The following QTGAL variants were observed in gnomAD, a reference collection of about 807,000 sequenced individuals.
QTGAL encodes BGnT-like protein 1.
chr17:82,988,242 A>G, the QTGAL span, among the ~76,000 whole-genome samples: 2 of 152,210 alleles, frequency 1.3e-5, no homozygotes, highest in African/African-American at 4.8e-5. Flanking sequence ...ACCTGACAAA[A>G]ACAAGTAATG....
At chr17:83,015,037 G>A in the QTGAL span, among the ~76,000 whole-genome samples, 1 of 150,998 alleles carries the variant, frequency 6.6e-6, no homozygotes, top group Non-Finnish European at 1.5e-5. This position sits in a 1 kb window ranked among gnomAD's most constrained non-coding sequence, Gnocchi z 4.4. Context: ...CACCACTGTT[G>A]AGGGGACCGT....
chr17:82,970,780 T>C, the QTGAL span, among the ~76,000 whole-genome samples: 1 of 152,142 alleles, frequency 6.6e-6, no homozygotes, highest in Non-Finnish European at 1.5e-5. Flanking sequence ...GAAATACACA[T>C]GACATTCTGG....
chr17:83,005,183 G>A, the QTGAL span: 1 of 1,610,140 alleles, frequency 6.2e-7, no homozygotes, highest in Non-Finnish European at 8.5e-7. This position sits in a 1 kb window ranked among gnomAD's most constrained non-coding sequence, Gnocchi z 5.6. Context: ...GAGTTAGGGG[G>A]ATCTCTCCTC....
chr17:82,964,059 C>T, the QTGAL span, among the ~76,000 whole-genome samples: 8 of 148,728 alleles, frequency 5.4e-5, no homozygotes, highest in East Asian at 5.9e-4. Context: ...CCCAGGAGTT[C>T]GAGACCAGCC....
At chr17:82,998,916 A>G in the QTGAL span, among the ~76,000 whole-genome samples, 1 of 152,138 alleles carries the variant, frequency 6.6e-6, no homozygotes, top group African/African-American at 2.4e-5. Context: ...AATGCAAACT[A>G]AAATCACCAC....
chr17:82,988,555 A>G, the QTGAL span, among the ~76,000 whole-genome samples: 2 of 152,222 alleles, frequency 1.3e-5, no homozygotes, highest in Non-Finnish European at 2.9e-5. Context: ...AAACTACACC[A>G]TCAGAGTGAA....
At chr17:83,025,909 A>G in the QTGAL span, among the ~76,000 whole-genome samples, 1 of 152,218 alleles carries the variant, frequency 6.6e-6, no homozygotes, top group Non-Finnish European at 1.5e-5. Context: ...GGACGTACAC[A>G]CACGTACTCG....
At chr17:83,050,881 G>C in the QTGAL span, among the ~76,000 whole-genome samples, 2 of 151,970 alleles carry the variant, frequency 1.3e-5, no homozygotes, top group Non-Finnish European at 2.9e-5. Context: ...TATGGGGCAC[G>C]GGCATGTATG....
At chr17:82,962,397 CCAT>C in the QTGAL span, among the ~76,000 whole-genome samples, 1 of 152,196 alleles carries the variant, frequency 6.6e-6, no homozygotes, top group African/African-American at 2.4e-5. Context: ...AGTTTATCCA[CCAT>C]AAGATAAAGA....
At chr17:83,051,767 G>A in the QTGAL span, 1 of 1,496,410 alleles carries the variant, frequency 6.7e-7, no homozygotes. Context: ...GGCTCTCCTC[G>A]GACGCCCCGC....
chr17:82,950,870 AGATGTGCTGCCACCTGG>A, the QTGAL span, among the ~76,000 whole-genome samples: 12 of 152,232 alleles, frequency 7.9e-5, no homozygotes, highest in Admixed American at 7.2e-4. Context: ...TGCTGTGCAC[AGATGTGCTGCCACCTGG>A]GCCTTGCCGT....
At chr17:83,049,050 G>A in the QTGAL span, 2 of 418,818 alleles carry the variant, frequency 4.8e-6, no homozygotes, top group Admixed American at 4.1e-5. Flanking sequence ...TCAGGAGATT[G>A]AGACCATCCT....
At chr17:82,983,774 C>G in the QTGAL span, among the ~76,000 whole-genome samples, 1 of 152,368 alleles carries the variant, frequency 6.6e-6, no homozygotes, top group East Asian at 1.9e-4. Context: ...TGTCCAAGTG[C>G]TGAGGACTGA....
At chr17:83,032,763 C>G in the QTGAL span, among the ~76,000 whole-genome samples, 1 of 152,086 alleles carries the variant, frequency 6.6e-6, no homozygotes, top group African/African-American at 2.4e-5. Context: ...GTGTTTTGGT[C>G]TAAGAAGAAA....
the QTGAL span, among the ~76,000 whole-genome samples, chr17:82,955,723 C>T: frequency 6.6e-6 from 1 of 152,092 alleles, no homozygotes; most frequent in African/African-American, 2.4e-5. Flanking sequence ...GCACCATTCA[C>T]AATAGCAAAG....
chr17:83,024,518 C>G, the QTGAL span, among the ~76,000 whole-genome samples: 1 of 152,252 alleles, frequency 6.6e-6, no homozygotes. Flanking sequence ...TGTGGGGCCT[C>G]AGCTGTTGAG....
chr17:83,018,615 TA>T, the QTGAL span, among the ~76,000 whole-genome samples: 15 of 152,198 alleles, frequency 9.9e-5, no homozygotes, highest in Non-Finnish European at 1.8e-4. Flanking sequence ...TAAAATTGGA[TA>T]GAACGCCTCA....
the QTGAL span, chr17:83,005,016 C>G: frequency 1.0e-6 from 1 of 988,008 alleles, no homozygotes; most frequent in Non-Finnish European, 1.5e-6. The surrounding 1 kb of genome is among the most constrained non-coding windows in gnomAD (Gnocchi z 5.6). Flanking sequence ...GGACCACGGC[C>G]CACGACGACG....
At chr17:82,970,646 G>GCGACCTCCGCACACA in the QTGAL span, among the ~76,000 whole-genome samples, 2 of 41,280 alleles carry the variant, frequency 4.8e-5, 1 homozygote, top group African/African-American at 2.6e-4. Flanking sequence ...CTCCGCACCC[G>GCGACCTCCGCACACA]GTGTGGCCGC....
Sources: allele counts gnomAD v4.1 joint callset (sites outside exome capture counted in the v4.1 genomes callset), GRCh38; gene constraint gnomAD v4.1.1; non-coding constraint Gnocchi (gnomAD v3.1); transcripts MANE v1.5; gene names NCBI Gene and HGNC (gene_info 2026-07-23, HGNC 2026-07-21).